NR4A3: variants seen among roughly 807,000 people sequenced by gnomAD.
NR4A3 encodes the protein nuclear receptor subfamily 4 group A member 3.
NR4A3 carries 13 observed loss-of-function variants against 55.6 expected under a neutral mutation model. That is an observed-to-expected ratio of 0.23 (90% CI 0.15 to 0.37). The LOEUF (loss-of-function observed/expected upper bound fraction) is 0.37. NR4A3 is among the 10% of genes least tolerant of loss of function. NR4A3 has a pLI of 1.00. For synonymous variants in NR4A3, 342 were observed against 357.9 expected (o/e 0.96, Z 0.50); for missense variants, 646 against 822.8 (o/e 0.79, Z 2.63).
chr9:99,862,568 A>AAAAAAAAAAAAAAAAG (rs1229586023), intron 7 of NR4A3, among the ~76,000 whole-genome samples: 1 of 99,498 alleles, frequency 1.0e-5, no homozygotes, highest in Non-Finnish European at 2.3e-5. Context: ...AAAAAAAAAA[A>AAAAAAAAAAAAAAAAG]AAAAAAAAAA....
At chr9:99,844,929 G>A (rs372148041) in intron 6 of NR4A3, 81 bp downstream of exon 6, 2 of 1,107,834 alleles carry the variant, frequency 1.8e-6, no homozygotes, top group Non-Finnish European at 1.4e-6. Context: ...AATCATTGGT[G>A]AAACGTTTTC....
chr9:99,832,568 A>T, intron 3 of NR4A3, 121 bp from the exon 4 acceptor site: 1 of 810,924 alleles, frequency 1.2e-6, no homozygotes, highest in Non-Finnish European at 1.7e-6. Context: ...TTAGGAAATT[A>T]AATTTATCGA....
At chr9:99,861,402 C>G (rs1438011004) in intron 7 of NR4A3, among the ~76,000 whole-genome samples, 1 of 152,136 alleles carries the variant, frequency 6.6e-6, no homozygotes, top group Non-Finnish European at 1.5e-5. Flanking sequence ...CACTTGTAAT[C>G]CCAGCTACTT....
chr9:99,831,335 A>G (rs911525750), intron 3 of NR4A3, among the ~76,000 whole-genome samples: 2 of 152,258 alleles, frequency 1.3e-5, no homozygotes, highest in African/African-American at 4.8e-5. Flanking sequence ...AAGAATTTAA[A>G]TGCTGGAACC....
At chr9:99,857,732 C>T (rs527288030) in intron 7 of NR4A3, among the ~76,000 whole-genome samples, 1 of 150,380 alleles carries the variant, frequency 6.6e-6, no homozygotes, top group Non-Finnish European at 1.5e-5. Context: ...TCCAGCCTGG[C>T]GACAGAGCAA....
chr9:99,851,789 C>T (rs1024839486), intron 7 of NR4A3, among the ~76,000 whole-genome samples: 16 of 152,168 alleles, frequency 1.1e-4, no homozygotes, highest in African/African-American at 2.9e-4. Flanking sequence ...TGGTGGGATA[C>T]CAATGAGTTG....
chr9:99,841,838 T>C (rs1827655858), intron 5 of NR4A3, among the ~76,000 whole-genome samples: 1 of 152,084 alleles, frequency 6.6e-6, no homozygotes, highest in South Asian at 2.1e-4. Context: ...GGCGTGGTGG[T>C]TCCTGCCTGT....
chr9:99,864,964 G>A lies in NR4A3; in HGVS notation c.*1097G>A. On this transcript the variant is annotated 3_prime_UTR_variant, in exon 8 of 8. Coordinates refer to ENST00000395097, the MANE Select transcript of NR4A3 (RefSeq NM_006981.4). ...TATTGGTTAAGGAGACAATTTTGGA[G>A]AGCAAGCAAATCTTTTTAAAAAATA... 8.7e-6 allele frequency: 1 copy of A among 114,510 alleles called. No individual in the cohort carries two copies. The highest frequency in any genetic ancestry group is 8.0e-5 in the East Asian group (1 of 12,448). 7.1% of individuals were successfully genotyped at this position (114,510 alleles called of 1,614,324 possible). A position where few individuals can be genotyped will look rare whatever the true frequency, so the allele number is the denominator to read the frequency against.
In NR4A3 at chr9:99,828,844, T is replaced by G. The variant is rs1014498664; in HGVS notation, c.802T>G (p.Ser268Ala). ...PLGLTPSPTA[S>A]SLLGESPSLP... ...CGGCCTCACGCCCTCCCCTACCGCG[T>G]CCAGCCTGCTGGGCGAGAGTCCCAG... The change falls in exon 3 of 8, where the codon TCC (serine) becomes GCC (alanine). Residue 268 changes from serine (S) to alanine (A), a missense_variant. By Grantham distance (99) the Ser-to-Ala change is moderately conservative. Coordinates refer to ENST00000395097, the MANE Select transcript of NR4A3 (RefSeq NM_006981.4). This position sits in a 1 kb window ranked among gnomAD's most constrained non-coding sequence, Gnocchi z 7.7. 6.7e-6 allele frequency: 10 copies of G among 1,494,418 alleles called. No homozygotes were observed. The highest frequency in any genetic ancestry group is 8.9e-6 in the Non-Finnish European group (10 of 1,126,686). 92.6% of individuals were successfully genotyped at this position (1,494,418 alleles called of 1,614,324 possible).
In NR4A3 at chr9:99,852,457, G is replaced by A. The variant is rs572796525; in HGVS notation, c.1633+4842G>A. Among the ~76,000 whole-genome samples the A allele has an allele frequency of 7.2e-5, 11 of 152,258 alleles. No individual in the cohort carries two copies. The South Asian group carries it at 1.7e-3, about 23-fold the overall frequency. ...GATGATGTCTTGTGCTTTTGGGAAA[G>A]TTAAATGATTTTCAGGGATAAAACT... On this transcript the variant is annotated intron_variant, in intron 7 of 7. Transcript: ENST00000395097.
intron 7 of NR4A3, among the ~76,000 whole-genome samples, chr9:99,848,577 T>G (rs1827795848): frequency 6.6e-6 from 1 of 152,190 alleles, no homozygotes; most frequent in Non-Finnish European, 1.5e-5. Context: ...ACTCCTGACC[T>G]CAATTGATCT....
chr9:99,824,118 G>T (rs1323032340), intron 1 of NR4A3, among the ~76,000 whole-genome samples: 1 of 152,160 alleles, frequency 6.6e-6, no homozygotes, highest in East Asian at 1.9e-4. Flanking sequence ...CAGGAGCGGC[G>T]GAACGTGTTT....
chr9:99,856,558 C>T (rs1279176591), intron 7 of NR4A3, among the ~76,000 whole-genome samples: 1 of 152,154 alleles, frequency 6.6e-6, no homozygotes, highest in Non-Finnish European at 1.5e-5. Context: ...CAAATTTTAG[C>T]TCAATGTAAG....
chr9:99,846,432 C>G (rs1360563983), intron 6 of NR4A3, among the ~76,000 whole-genome samples: 2 of 152,080 alleles, frequency 1.3e-5, no homozygotes, highest in Admixed American at 1.3e-4. Context: ...AGCCACACCC[C>G]AAGTCATCAT....
chr9:99,847,504 C>T lies in NR4A3; in HGVS notation c.1522C>T (p.Arg508Cys). 8 of 1,614,182 alleles carry T rather than the reference C, an allele frequency of 5.0e-6. No individual in the cohort carries two copies. The highest frequency in any genetic ancestry group is 6.8e-6 in the Non-Finnish European group (8 of 1,180,014). ...GLVLHRLQCL[R>C]GFGEWLDSIK... is the part of the protein sequence containing the mutation. ...TGTCCTGCATCGACTTCAGTGCCTT[C>T]GTGGATTTGGGGAGTGGCTCGACTC... is the stretch of plus-strand genomic sequence containing the variant. Residue 508 changes from arginine (R) to cysteine (C), a missense_variant, in exon 7 of 8, where the codon CGT becomes TGT. This residue lies in a region of NR4A3 where 163 missense variants were observed against 233.0 expected (regional missense o/e 0.70). Coordinates refer to ENST00000395097, the MANE Select transcript of NR4A3 (RefSeq NM_006981.4).
Sources: allele counts gnomAD v4.1 joint callset (sites outside exome capture counted in the v4.1 genomes callset), GRCh38; gene constraint gnomAD v4.1.1; regional missense constraint gnomAD v4.1.1; non-coding constraint Gnocchi (gnomAD v3.1); transcripts MANE v1.5; gene names NCBI Gene and HGNC (gene_info 2026-07-23, HGNC 2026-07-21).